The following WRAP53 variants were observed in gnomAD, a reference collection of about 807,000 sequenced individuals.
WRAP53 encodes WD repeat containing antisense to TP53, also known as telomerase Cajal body protein 1.
In WRAP53, 28 loss-of-function variants were observed where a neutral mutation model predicts 56.6. The ratio of observed to expected loss-of-function variants is 0.50; its 90% CI spans 0.37 to 0.68. The LOEUF (loss-of-function observed/expected upper bound fraction) is 0.68, where lower values mean the gene tolerates loss of function less well. WRAP53 is among the 30% of genes least tolerant of loss of function. The pLI is 0.00. For missense variants in WRAP53, 671 were observed against 715.5 expected, an observed-to-expected ratio of 0.94 and a Z score of 0.71; for synonymous variants, 283 against 283.4, an observed-to-expected ratio of 1.00 and a Z score of 0.01.
rs1338993066 is a variant in WRAP53 at position 7,700,906 on chromosome 17, G to T, written c.731+77G>T. 3.6e-6 allele frequency: 4 copies of T among 1,104,046 alleles called. No homozygotes were observed. The Admixed American group carries it at 5.1e-5, about 14-fold the overall frequency. The allele number at this position is 1,104,046 out of a possible 1,614,324, so 68.4% of individuals were successfully genotyped here. A position where few individuals can be genotyped will look rare whatever the true frequency, so the allele number is the denominator to read the frequency against. ...GGGCCTCTTGGGAGAGTCAAGGGCT[G>T]CCAGGGGTCTTTGGAGGAGGAAGGC... On this transcript the variant is annotated intron_variant, in intron 5 of 10. Transcript: ENST00000396463.
chr17:7,695,161 T>G (rs35040041), intron 4 of WRAP53, among the ~76,000 whole-genome samples: 29,728 of 151,810 alleles, frequency 0.2, 4,117 homozygotes, highest in African/African-American at 0.39. Context: ...TTCACCATGT[T>G]AGCCAGGATG....
At position 7,688,508 on chromosome 17, in the gene WRAP53, C is replaced by T; in HGVS notation, c.-55C>T. ...TTCAAAAGAATTGGCGTCCGCTGTT[C>T]GCCTCTCCTCCCGGGAGTCTTCTGC... On this transcript the variant is annotated 5_prime_UTR_variant, in exon 1 of 11. Transcript: ENST00000396463. 2.3e-6 allele frequency: 2 copies of T among 867,016 alleles called. No individual in the cohort carries two copies. The highest frequency in any genetic ancestry group is 3.5e-6 in the Non-Finnish European group (2 of 569,004). The allele number at this position is 867,016 out of a possible 1,614,324, so 53.7% of individuals were successfully genotyped here.
chr17:7,702,725 C>T lies in WRAP53; in HGVS notation c.1165-18C>T. The stretch of plus-strand genomic sequence containing the variant: ...CAGGGCTTTGGGGGTGACTCCAGGT[C>T]CTGTTCCTTGTCTCCAGGATGCTGA... On this transcript the variant is annotated intron_variant, in intron 8 of 10. Coordinates refer to ENST00000396463, the MANE Select transcript of WRAP53 (RefSeq NM_001143992.2). This position sits in a 1 kb window ranked among gnomAD's most constrained non-coding sequence, Gnocchi z 5.0. 1 of 1,612,426 alleles carries T rather than the reference C, an allele frequency of 6.2e-7. No homozygotes were observed. Among genetic ancestry groups the T allele is most frequent in the Non-Finnish European group, 8.5e-7 (1 of 1,179,760 alleles).
chr17:7,696,252 T>A (rs1252839670), intron 4 of WRAP53, among the ~76,000 whole-genome samples: 1 of 151,734 alleles, frequency 6.6e-6, no homozygotes, highest in Non-Finnish European at 1.5e-5. Flanking sequence ...GAGTTGGCAC[T>A]TTATGGGACC....
At position 7,689,657 on chromosome 17, in the gene WRAP53, C is replaced by G; in HGVS notation, c.598C>G (p.Pro200Ala). Residue 200 changes from proline to alanine, a missense_variant, in exon 4 of 11, where the codon CCA becomes GCA. By Grantham distance (27) the Pro-to-Ala change is conservative. This residue lies in a region of WRAP53 where 406 missense variants were observed against 418.5 expected (regional missense o/e 0.97). Coordinates refer to ENST00000396463, the MANE Select transcript of WRAP53 (RefSeq NM_001143992.2). The part of the protein sequence containing the change: ...DNILRIYNLP[P>A]ELYHEGEQVE... ...CATCTTGCGAATTTATAACCTGCCC[C>G]CAGAGCTGTACCATGAGGGGGAGCA... 6.2e-7 allele frequency: 1 copy of G among 1,614,166 alleles called. No homozygotes were observed. The highest frequency in any genetic ancestry group is 8.5e-7 in the Non-Finnish European group (1 of 1,180,024).
upstream of WRAP53, chr17:7,688,036 T>C (rs1366079994): frequency 6.2e-6 from 1 of 161,650 alleles, no homozygotes; most frequent in Non-Finnish European, 1.3e-5. Flanking sequence ...ATTTTTCTAC[T>C]ATCTTATTCA....
rs747691719 is a variant in WRAP53 at position 7,703,479 on chromosome 17, T to C, written c.1640T>C (p.Leu547Pro). 1.9e-6 allele frequency: 3 copies of C among 1,607,348 alleles called. No homozygotes were observed. In the South Asian group the frequency reaches 3.3e-5, roughly 18 times the overall value. Residue 547 changes from leucine (L) to proline (P), a missense_variant, in exon 11 of 11, where the codon CTG becomes CCG. By Grantham distance (98) the Leu-to-Pro change is moderately conservative. This residue lies in a region of WRAP53 where 107 missense variants were observed against 81.3 expected (regional missense o/e 1.32). Coordinates refer to ENST00000396463, the MANE Select transcript of WRAP53 (RefSeq NM_001143992.2). ...GGAACGGAGGGAGGTGTGGGTGAGC[T>C]GATATAAAAAGGTTTTTATGATACT... ...QGGTEGGVGE[L>P]I
chr17:7,689,377 AC>A, intron 3 of WRAP53, 55 bp downstream of exon 3: 1 of 1,574,652 alleles, frequency 6.4e-7, no homozygotes, highest in Non-Finnish European at 8.7e-7. Flanking sequence ...TCACTGTAAA[AC>A]AGTCCAGTTT....
Position 7,703,405 on chromosome 17 carries a change from G to C in WRAP53, c.1566G>C (p.Ala522=), listed in dbSNP as rs148329158. ...CRLQLWWCGG[A]PDSSIPDDHQ... ...TTCAGCTCTGGTGGTGTGGGGGGGC[G>C]CCAGACTCCAGCATCCCTGATGATC... Residue 522 remains alanine (A), a synonymous_variant, in exon 11 of 11, where the codon GCG becomes GCC. Coordinates refer to ENST00000396463, the MANE Select transcript of WRAP53 (RefSeq NM_001143992.2). 1.2e-6 allele frequency: 2 copies of C among 1,612,410 alleles called. No homozygotes were observed. Among genetic ancestry groups the C allele is most frequent in the African/African-American group, 1.3e-5 (1 of 74,750 alleles).
upstream of WRAP53, chr17:7,686,112 G>A (rs1251211702): frequency 6.6e-6 from 1 of 152,248 alleles, no homozygotes; most frequent in African/African-American, 2.4e-5. Context: ...ACCGGCTCGG[G>A]CCGGAGGGCT....
chr17:7,695,810 A>G (rs2074176344), intron 4 of WRAP53, among the ~76,000 whole-genome samples: 1 of 152,028 alleles, frequency 6.6e-6, no homozygotes, highest in African/African-American at 2.4e-5. Flanking sequence ...AAGTCTGCCT[A>G]ATCTTCCTAA....
intron 4 of WRAP53, among the ~76,000 whole-genome samples, chr17:7,697,345 G>GA (rs1166222290): frequency 6.9e-6 from 1 of 144,328 alleles, no homozygotes; most frequent in Non-Finnish European, 1.5e-5. Context: ...AAAAGAAAAA[G>GA]AAAAAAGAGA....
intron 2 of WRAP53, 41 bp downstream of exon 2, chr17:7,689,120 G>C (rs771854905): frequency 6.2e-7 from 1 of 1,613,920 alleles, no homozygotes; most frequent in Non-Finnish European, 8.5e-7. Flanking sequence ...CTGGGGAGAT[G>C]AAGTGTGAGG....
rs542309439 is a variant in WRAP53 at position 7,697,615 on chromosome 17, T to G, written c.643-3126T>G. The stretch of plus-strand genomic sequence containing the variant: ...CAGAGGTTGTAGTGAGCCAAGATCG[T>G]GCCACTGCACCCCAGCTTGGGGAAC... On this transcript the variant is annotated intron_variant, in intron 4 of 10. Coordinates refer to ENST00000396463, the MANE Select transcript of WRAP53 (RefSeq NM_001143992.2). Among the ~76,000 whole-genome samples, 8 of 152,026 alleles carry G rather than the reference T, an allele frequency of 5.3e-5. No individual in the cohort carries two copies. The East Asian group carries it at 1.5e-3, about 29-fold the overall frequency.
chr17:7,699,522 T>TTATATATATATATATATA (rs1203888377), intron 4 of WRAP53, among the ~76,000 whole-genome samples: 2 of 14,108 alleles, frequency 1.4e-4, no homozygotes, highest in African/African-American at 3.5e-4. Context: ...ATATATATAT[T>TTATATATATATATATATA]TATATATATA....
chr17:7,689,786 T>G (rs1214062992), intron 4 of WRAP53, 85 bp downstream of exon 4: 1 of 1,136,214 alleles, frequency 8.8e-7, no homozygotes, highest in Non-Finnish European at 1.3e-6. Flanking sequence ...TCCAAGTGTT[T>G]CCTGTTCACA....
intron 4 of WRAP53, among the ~76,000 whole-genome samples, chr17:7,694,496 G>A (rs2074156390): frequency 6.6e-6 from 1 of 152,060 alleles, no homozygotes; most frequent in Non-Finnish European, 1.5e-5. Flanking sequence ...ACCCATTTCC[G>A]CCTCCTAAAG....
upstream of WRAP53, chr17:7,686,185 GT>G (rs1343698467): frequency 6.6e-6 from 1 of 152,234 alleles, no homozygotes; most frequent in Non-Finnish European, 1.5e-5. Flanking sequence ...TTCAGCCTGC[GT>G]CTGGAACTGG....
upstream of WRAP53, chr17:7,687,163 A>G: frequency 2.5e-6 from 1 of 397,110 alleles, no homozygotes; most frequent in Non-Finnish European, 4.4e-6. Flanking sequence ...TTGAGTTCGG[A>G]TGGTCCTAAC....
Sources: gnomAD v4.1 joint callset for allele counts (sites outside exome capture counted in the v4.1 genomes callset) on GRCh38, gnomAD v4.1.1 for gene constraint, gnomAD v4.1.1 regional missense constraint, Gnocchi (gnomAD v3.1) non-coding constraint, MANE v1.5 for transcripts, NCBI Gene and HGNC (gene_info 2026-07-23, HGNC 2026-07-21) for gene names.